AHCTF1: variants seen among roughly 807,000 people sequenced by gnomAD.
AHCTF1 encodes the protein AT-hook containing transcription factor 1.
Under a neutral mutation model 248.4 loss-of-function variants are expected in AHCTF1, and 24 were observed. The ratio of observed to expected loss-of-function variants is 0.10; its 90% CI spans 0.07 to 0.14. The LOEUF is 0.14. AHCTF1 is among the 10% of genes least tolerant of loss of function. The pLI, the probability that AHCTF1 is intolerant of heterozygous loss-of-function variation, is 1.00. For synonymous variants in AHCTF1, 786 were observed against 929.8 expected (o/e 0.85, Z 2.81); for missense variants, 2,206 against 2,636.2 (o/e 0.84, Z 3.57).
At chr1:246,858,065 T>C (rs1354697860) in intron 29 of AHCTF1, among the ~76,000 whole-genome samples, 1 of 151,832 alleles carries the variant, frequency 6.6e-6, no homozygotes, top group East Asian at 1.9e-4. Context: ...GTTCACGCCA[T>C]TCTCCTGCCT....
intron 3 of AHCTF1, 25 bp from the exon 4 acceptor site, chr1:246,913,437 C>T (rs770866690): frequency 7.0e-6 from 11 of 1,578,846 alleles, no homozygotes; most frequent in Non-Finnish European, 7.8e-6. Context: ...ACGTGATTTG[C>T]TTTTCTTCTG....
chr1:246,922,897 G>A (rs1414722401), intron 1 of AHCTF1, among the ~76,000 whole-genome samples: 1 of 146,766 alleles, frequency 6.8e-6, no homozygotes, highest in Non-Finnish European at 1.5e-5. Context: ...GCAGGAGAAT[G>A]GCATGAACCC....
At chr1:246,902,751 T>G in intron 7 of AHCTF1, 76 bp from the exon 8 acceptor site, 1 of 1,367,588 alleles carries the variant, frequency 7.3e-7, no homozygotes, top group South Asian at 1.7e-5. Context: ...ATTCTCCAAA[T>G]TTAAAGATTG....
intron 14 of AHCTF1, among the ~76,000 whole-genome samples, chr1:246,892,823 T>C (rs2103144692): frequency 6.6e-6 from 1 of 152,066 alleles, no homozygotes; most frequent in South Asian, 2.1e-4. Flanking sequence ...TTTTTTTGGT[T>C]TTGCAGAGAC....
At chr1:246,887,686 GCTTA>G (rs1663923666) in intron 19 of AHCTF1, among the ~76,000 whole-genome samples, 1 of 152,146 alleles carries the variant, frequency 6.6e-6, no homozygotes, top group South Asian at 2.1e-4. Flanking sequence ...AAAGATGGCA[GCTTA>G]ATCAAACATC....
intron 24 of AHCTF1, among the ~76,000 whole-genome samples, chr1:246,871,596 C>G (rs1018592967): frequency 6.6e-6 from 1 of 152,176 alleles, no homozygotes; most frequent in Non-Finnish European, 1.5e-5. Flanking sequence ...AAGAGGCTAA[C>G]AGCCTACCTC....
intron 4 of AHCTF1, among the ~76,000 whole-genome samples, chr1:246,908,008 A>G (rs1268446235): frequency 6.6e-6 from 1 of 152,332 alleles, no homozygotes; most frequent in African/African-American, 2.4e-5. Flanking sequence ...CATCTCAAAT[A>G]TTATCTAAGA....
chr1:246,842,132 TAATA>T (rs1659915944), intron 35 of AHCTF1, among the ~76,000 whole-genome samples: 1 of 152,062 alleles, frequency 6.6e-6, no homozygotes, highest in Admixed American at 6.6e-5. Flanking sequence ...TTCATGCTAT[TAATA>T]TATAAAGAAA....
At position 246,849,973 on chromosome 1, in the gene AHCTF1, T is replaced by C; in HGVS notation, c.6033A>G (p.Arg2011=). The change falls in exon 33 of 36, where the codon AGA becomes AGG. Residue 2011 remains arginine (R), a synonymous_variant. Coordinates refer to ENST00000648844, the MANE Select transcript of AHCTF1 (RefSeq NM_001323342.2). ...EAPSIRRRST[R]NTPAKSENVD... is the part of the protein sequence containing the mutation. Reference sequence around the variant, plus strand: ...CATTTTCACTTTTAGCTGGGGTATTTCTTGTAGATCTCCTTCTAATGCTGG... The same window carrying C: ...CATTTTCACTTTTAGCTGGGGTATTCCTTGTAGATCTCCTTCTAATGCTGG... The C allele has an allele frequency of 6.2e-7, 1 of 1,613,990 alleles. No individual in the cohort carries two copies. The highest frequency in any genetic ancestry group is 1.1e-5 in the South Asian group (1 of 91,068).
At position 246,916,278 on chromosome 1, in the gene AHCTF1, AC is replaced by A. The variant is rs1179745710; in HGVS notation, c.238del (p.Val80PhefsTer2). On this transcript the variant is annotated frameshift_variant, in exon 3 of 36. Coordinates refer to ENST00000648844, the MANE Select transcript of AHCTF1 (RefSeq NM_001323342.2). LOFTEE classifies it high-confidence loss of function. The stretch of plus-strand genomic sequence containing the variant: ...CCAAGAGAATTCTTTCACAGCTAAA[AC>A]TACAGGAGGCTGTTCATTGACTCCA... Reference protein sequence around the residue: ...FSGVNEQPPVVLAVKEFSWQK... With the variant: ...FSGVNEQPPVXLAVKEFSWQK... 1 of 1,609,660 alleles carries A rather than the reference AC, an allele frequency of 6.2e-7. No homozygotes were observed. Among genetic ancestry groups the A allele is most frequent in the Non-Finnish European group, 8.5e-7 (1 of 1,176,508 alleles).
In AHCTF1 at chr1:246,849,658, C is replaced by A. The variant is rs375402511; in HGVS notation, c.6348G>T (p.Glu2116Asp). ...LLPDLSEPNN[E>D]PLFSPASEVP... The stretch of plus-strand genomic sequence containing the variant: ...CTTCTGACGCTGGAGAAAATAAAGG[C>A]TCATTGTTTGGTTCAGAAAGGTCCG... Residue 2116 changes from glutamate (E) to aspartate (D), a missense_variant, in exon 33 of 36, where the codon GAG becomes GAT. Around this residue, in one of 6 missense-constraint regions of AHCTF1, gnomAD observed 469 missense variants for 470.0 expected, o/e 1.00. Coordinates refer to ENST00000648844, the MANE Select transcript of AHCTF1 (RefSeq NM_001323342.2). The A allele has an allele frequency of 1.9e-6, 3 of 1,613,474 alleles. No homozygotes were observed. Among genetic ancestry groups the A allele is most frequent in the Non-Finnish European group, 1.7e-6 (2 of 1,179,680 alleles).
chr1:246,926,428 C>A (rs1323238917), intron 1 of AHCTF1, among the ~76,000 whole-genome samples: 2 of 152,128 alleles, frequency 1.3e-5, no homozygotes, highest in Non-Finnish European at 2.9e-5. Flanking sequence ...CATCATGGTG[C>A]CTAGCACAAA....
At chr1:246,892,834 G>A (rs888896570) in intron 14 of AHCTF1, among the ~76,000 whole-genome samples, 3 of 151,610 alleles carry the variant, frequency 2.0e-5, no homozygotes, top group Non-Finnish European at 4.4e-5. Context: ...TTGCAGAGAC[G>A]GGGGTCTTGC....
At chr1:246,867,897 C>G (rs529975930) in intron 24 of AHCTF1, 86 bp from the exon 25 acceptor site, 3 of 568,906 alleles carry the variant, frequency 5.3e-6, no homozygotes, top group Non-Finnish European at 7.7e-6. Flanking sequence ...TTACACCCCC[C>G]CCCCCACACA....
chr1:246,918,444 A>C, intron 1 of AHCTF1, 67 bp from the exon 2 acceptor site: 4 of 1,414,998 alleles, frequency 2.8e-6, no homozygotes, highest in Non-Finnish European at 3.8e-6. Flanking sequence ...GATTATGTCC[A>C]GCCAGGAAAA....
At chr1:246,901,056 A>G in intron 8 of AHCTF1, among the ~76,000 whole-genome samples, 1 of 152,162 alleles carries the variant, frequency 6.6e-6, no homozygotes, top group Admixed American at 6.5e-5. Flanking sequence ...AAGAGAGAGC[A>G]TGGCCAGGTG....
intron 23 of AHCTF1, among the ~76,000 whole-genome samples, 153 bp from the exon 24 acceptor site, chr1:246,876,340 A>T (rs1247039894): frequency 1.3e-5 from 2 of 152,186 alleles, no homozygotes; most frequent in Non-Finnish European, 2.9e-5. Flanking sequence ...TCATCCACAT[A>T]TCTAATTTTT....
intron 14 of AHCTF1, among the ~76,000 whole-genome samples, chr1:246,892,856 G>A (rs779613549): frequency 3.3e-5 from 5 of 151,738 alleles, no homozygotes; most frequent in Non-Finnish European, 5.9e-5. Context: ...ATATTGCTCA[G>A]GCTGGTCTTG....
intron 5 of AHCTF1, among the ~76,000 whole-genome samples, chr1:246,907,203 A>G (rs1012783851): frequency 2.6e-5 from 4 of 152,220 alleles, no homozygotes; most frequent in Non-Finnish European, 5.9e-5. Context: ...AGGTACAATC[A>G]AAATACAGTA....
Sources: gnomAD v4.1 joint callset for allele counts (sites outside exome capture counted in the v4.1 genomes callset) on GRCh38, gnomAD v4.1.1 for gene constraint, gnomAD v4.1.1 regional missense constraint, MANE v1.5 for transcripts, NCBI Gene and HGNC (gene_info 2026-07-23, HGNC 2026-07-21) for gene names.